The following DPCD variants were observed in gnomAD, a reference collection of about 807,000 sequenced individuals.
DPCD encodes protein DPCD.
DPCD carries 20 observed loss-of-function variants against 26.4 expected under a neutral mutation model. That is an observed-to-expected ratio of 0.76 (90% CI 0.53 to 1.10). The LOEUF is 1.10. Among genes scored for constraint, DPCD ranks in the 50% least tolerant of loss-of-function variants. DPCD has a pLI of 0.00. For synonymous variants in DPCD, 97 were observed against 94.2 expected (o/e 1.03, Z -0.17); for missense variants, 202 against 253.9 (o/e 0.80, Z 1.39).
chr10:101,593,156 C>T (rs2063624586), intron 1 of DPCD, among the ~76,000 whole-genome samples: 1 of 152,114 alleles, frequency 6.6e-6, no homozygotes, highest in Non-Finnish European at 1.5e-5. Flanking sequence ...AGGCTGGATG[C>T]CAAGGGGAGA....
intron 4 of DPCD, among the ~76,000 whole-genome samples, chr10:101,608,046 A>C (rs373774078): frequency 1.8e-4 from 28 of 152,062 alleles, no homozygotes; most frequent in East Asian, 7.7e-4. Flanking sequence ...GGGGGGTCAA[A>C]TTTCCTGCAA....
rs1276249005 is a variant in DPCD, at chr10:101,593,000, G to A, written c.65-1658G>A. On this transcript the variant is annotated intron_variant, in intron 1 of 5. Coordinates refer to ENST00000370151, the MANE Select transcript of DPCD (RefSeq NM_015448.3). ...CTGCACTCCAGCCTGGCGACAGAGC[G>A]AGACTCTGTCAAAAAAAAAAACCCT... 3.0e-5 allele frequency among the ~76,000 whole-genome samples: 3 copies of A among 100,724 alleles called. No homozygotes were observed. In the East Asian group the frequency reaches 6.1e-4, roughly 21 times the overall value. The allele number at this position is 100,724 out of a possible 152,430, so 66.1% of individuals were successfully genotyped here. A position where few individuals can be genotyped will look rare whatever the true frequency, so the allele number is the denominator to read the frequency against.
At chr10:101,588,894 C>T (rs543384229) in intron 1 of DPCD, among the ~76,000 whole-genome samples, 18 of 152,230 alleles carry the variant, frequency 1.2e-4, no homozygotes, top group Non-Finnish European at 1.3e-4. Context: ...ATTGTTATCT[C>T]TGAGGTCCTT....
chr10:101,594,626 T>C (rs1371265726), intron 1 of DPCD, 32 bp from the exon 2 acceptor site: 1 of 1,609,308 alleles, frequency 6.2e-7, no homozygotes, highest in South Asian at 1.1e-5. Flanking sequence ...AGGGGAGACT[T>C]TGAGGTAAGG....
intron 1 of DPCD, among the ~76,000 whole-genome samples, chr10:101,592,418 C>T (rs2063616744): frequency 1.3e-5 from 2 of 151,954 alleles, no homozygotes; most frequent in South Asian, 4.2e-4. Flanking sequence ...TTGGGAAAAC[C>T]CACTTTAAAC....
At chr10:101,591,557 T>G (rs977624963) in intron 1 of DPCD, among the ~76,000 whole-genome samples, 1 of 152,216 alleles carries the variant, frequency 6.6e-6, no homozygotes, top group Non-Finnish European at 1.5e-5. Flanking sequence ...GAATCATGGC[T>G]ATTGATATCT....
chr10:101,590,444 TGTG>T (rs1385137402), intron 1 of DPCD, among the ~76,000 whole-genome samples: 3 of 152,314 alleles, frequency 2.0e-5, no homozygotes, highest in Admixed American at 6.5e-5. Context: ...TTGTTTTTAT[TGTG>T]GTAATAAATA....
In DPCD at chr10:101,600,595, G is replaced by A; in HGVS notation, c.146-143G>A. Reference sequence around the variant, plus strand: ...TCCCTCCTTAGATTAACAAAGCTGAGAGTAAAGGCCCAACACTCCCACTTT... The same window carrying A: ...TCCCTCCTTAGATTAACAAAGCTGAAAGTAAAGGCCCAACACTCCCACTTT... On this transcript the variant is annotated intron_variant, in intron 2 of 5. Coordinates refer to ENST00000370151, the MANE Select transcript of DPCD (RefSeq NM_015448.3). This position sits in a 1 kb window ranked among gnomAD's most constrained non-coding sequence, Gnocchi z 4.7. 1 of 1,272,850 alleles carries A rather than the reference G, an allele frequency of 7.9e-7. No individual in the cohort carries two copies. Among genetic ancestry groups the A allele is most frequent in the Non-Finnish European group, 1.1e-6 (1 of 933,250 alleles). 78.8% of individuals were successfully genotyped at this position (1,272,850 alleles called of 1,614,324 possible).
At chr10:101,605,617 A>T (rs1000487268) in intron 4 of DPCD, among the ~76,000 whole-genome samples, 3 of 152,210 alleles carry the variant, frequency 2.0e-5, no homozygotes, top group African/African-American at 4.8e-5. Flanking sequence ...GACTTTTGAC[A>T]TTCAGAAAGG....
chr10:101,603,205 T>C lies in DPCD; in HGVS notation c.404+1869T>C, dbSNP rs1432554560. Among the ~76,000 whole-genome samples the C allele has an allele frequency of 6.6e-6, 1 of 152,190 alleles. No homozygotes were observed. The highest frequency in any genetic ancestry group is 2.4e-5 in the African/African-American group (1 of 41,450). ...CCAGCCTGGCTCATCCCTGCCCTCCTCAGGTCTCTCTGTTGGGAGGTAACC... is the reference window on the plus strand; with the variant it reads ...CCAGCCTGGCTCATCCCTGCCCTCCCCAGGTCTCTCTGTTGGGAGGTAACC... On this transcript the variant is annotated intron_variant, in intron 4 of 5. Coordinates refer to ENST00000370151, the MANE Select transcript of DPCD (RefSeq NM_015448.3). The surrounding 1 kb of genome is among the most constrained non-coding windows in gnomAD (Gnocchi z 4.6).
chr10:101,608,528 A>C (rs1198045355), intron 4 of DPCD, among the ~76,000 whole-genome samples: 1 of 152,190 alleles, frequency 6.6e-6, no homozygotes, highest in Non-Finnish European at 1.5e-5. Context: ...TGTGTGTTCC[A>C]GGCTTCTTCT....
At position 101,601,185 on chromosome 10, in the gene DPCD, T is replaced by G. The variant is rs1425139770; in HGVS notation, c.271-18T>G. On this transcript the variant is annotated intron_variant, in intron 3 of 5. Coordinates refer to ENST00000370151, the MANE Select transcript of DPCD (RefSeq NM_015448.3). ...CCTTCCCCAGGAACAGTCCTCGAGT[T>G]GGATTTGCCTTCTGCAGCCTATCTT... The G allele has an allele frequency of 6.2e-7, 1 of 1,613,556 alleles. No homozygotes were observed. Among genetic ancestry groups the G allele is most frequent in the East Asian group, 2.2e-5 (1 of 44,784 alleles).
chr10:101,594,783 C>A lies in DPCD; in HGVS notation c.145+45C>A, dbSNP rs760028471. The A allele has an allele frequency of 2.6e-6, 4 of 1,567,682 alleles. No homozygotes were observed. The Admixed American group carries it at 6.7e-5, about 26-fold the overall frequency. ...AGTGGGCCTTTAGTAATACTTGGGGCTGACATAAGCACAATGAACACTCCT... is the reference window on the plus strand; with the variant it reads ...AGTGGGCCTTTAGTAATACTTGGGGATGACATAAGCACAATGAACACTCCT... On this transcript the variant is annotated intron_variant, in intron 2 of 5. Transcript: ENST00000370151.
At chr10:101,601,996 T>C (rs1251464604) in intron 4 of DPCD, among the ~76,000 whole-genome samples, 3 of 152,158 alleles carry the variant, frequency 2.0e-5, no homozygotes, top group Admixed American at 2.0e-4. Context: ...ATTTCCATTT[T>C]GGAAATGCAT....
In DPCD at chr10:101,588,373, G is replaced by T; in HGVS notation, c.37G>T (p.Ala13Ser). 6.2e-7 allele frequency: 1 copy of T among 1,600,784 alleles called. No individual in the cohort carries two copies. Among genetic ancestry groups the T allele is most frequent in the South Asian group, 1.1e-5 (1 of 89,242 alleles). The change falls in exon 1 of 6, where the codon GCC (alanine) becomes TCC (serine). Residue 13 changes from alanine (A) to serine (S), a missense_variant. Coordinates refer to ENST00000370151, the MANE Select transcript of DPCD (RefSeq NM_015448.3). Reference sequence around the variant, plus strand: ...GGGCTGGTTGGAGAGTCTGCGGACAGCCCAGAAGACTGCGCTGCTGCAGGA... The same window carrying T: ...GGGCTGGTTGGAGAGTCTGCGGACATCCCAGAAGACTGCGCTGCTGCAGGA... ...VTGWLESLRTAQKTALLQDGR... is the reference protein window; with the variant it reads ...VTGWLESLRTSQKTALLQDGR...
At chr10:101,608,961 G>A (rs577251111) in intron 5 of DPCD, 24 bp downstream of exon 5, 6 of 1,568,068 alleles carry the variant, frequency 3.8e-6, no homozygotes, top group Middle Eastern at 1.7e-4. Context: ...AGACTTCTTG[G>A]ACACTGCATC....
At chr10:101,605,787 C>T (rs1218885583) in intron 4 of DPCD, among the ~76,000 whole-genome samples, 1 of 152,120 alleles carries the variant, frequency 6.6e-6, no homozygotes, top group Non-Finnish European at 1.5e-5. Flanking sequence ...CGGGCTATTA[C>T]TTTGTGGTGA....
At chr10:101,609,293 A>G in intron 5 of DPCD, 74 bp from the exon 6 acceptor site, 1 of 1,347,458 alleles carries the variant, frequency 7.4e-7, no homozygotes, top group Non-Finnish European at 1.0e-6. Flanking sequence ...CAGAAGGAGA[A>G]GGGGCCCCAA....
chr10:101,592,489 G>A (rs895778740), intron 1 of DPCD, among the ~76,000 whole-genome samples: 1 of 151,508 alleles, frequency 6.6e-6, no homozygotes, highest in Non-Finnish European at 1.5e-5. Context: ...AGAGGCCAAG[G>A]CAGGAGGATC....
Sources: allele counts gnomAD v4.1 joint callset (sites outside exome capture counted in the v4.1 genomes callset), GRCh38; gene constraint gnomAD v4.1.1; non-coding constraint Gnocchi (gnomAD v3.1); transcripts MANE v1.5; gene names NCBI Gene and HGNC (gene_info 2026-07-23, HGNC 2026-07-21).